Variants in SEC63 observed in about 807,000 individuals in gnomAD.
SEC63 encodes SEC63 protein translocation regulator.
In SEC63, 56 loss-of-function variants were observed where a neutral mutation model predicts 116.2. The observed-to-expected ratio is 0.48, with a 90% confidence interval of 0.39 to 0.60. The LOEUF is 0.60. SEC63 is among the 20% of genes least tolerant of loss of function. The pLI is 0.00. For synonymous variants in SEC63, 273 were observed against 294.6 expected (o/e 0.93, Z 0.75); for missense variants, 668 against 900.0 (o/e 0.74, Z 3.30).
chr6:107,916,673 T>C (rs1706776352), intron 4 of SEC63, among the ~76,000 whole-genome samples: 1 of 152,262 alleles, frequency 6.6e-6, no homozygotes, highest in African/African-American at 2.4e-5. Context: ...CACATTTTGG[T>C]AAGTCTCACA....
intron 3 of SEC63, among the ~76,000 whole-genome samples, chr6:107,922,483 C>A (rs1039296778): frequency 2.0e-5 from 3 of 152,146 alleles, no homozygotes; most frequent in African/African-American, 7.2e-5. Flanking sequence ...TCCAGCCTAG[C>A]TGACAGAGTG....
intron 1 of SEC63, among the ~76,000 whole-genome samples, chr6:107,955,601 G>C (rs1238999035): frequency 6.6e-6 from 1 of 152,166 alleles, no homozygotes; most frequent in African/African-American, 2.4e-5. Flanking sequence ...AGTATGACTT[G>C]TTGGCAGGGC....
At chr6:107,947,819 C>T (rs1434830663) in intron 1 of SEC63, among the ~76,000 whole-genome samples, 3 of 152,078 alleles carry the variant, frequency 2.0e-5, no homozygotes, top group Non-Finnish European at 4.4e-5. Context: ...ATGGACACCC[C>T]CTCCATCTAG....
chr6:107,889,173 T>G (rs987552178), intron 16 of SEC63, among the ~76,000 whole-genome samples: 2 of 152,210 alleles, frequency 1.3e-5, no homozygotes, highest in African/African-American at 4.8e-5. Context: ...TGGTACCAGC[T>G]CCTCTTTGTA....
chr6:107,867,789 T>C lies in SEC63; in HGVS notation c.*3915A>G, dbSNP rs1786029956. Reference sequence around the variant, plus strand: ...CCAATAAATGTTTATTTATAAATAATAGAAGTGTACAATTGTACAATATAT... The same window carrying C: ...CCAATAAATGTTTATTTATAAATAACAGAAGTGTACAATTGTACAATATAT... On this transcript the variant is annotated 3_prime_UTR_variant, in exon 21 of 21. Transcript: ENST00000369002. The C allele has an allele frequency of 2.0e-5, 3 of 151,544 alleles. No individual in the cohort carries two copies. Among genetic ancestry groups the C allele is most frequent in the Admixed American group, 2.0e-4 (3 of 15,214 alleles). The allele number at this position is 151,544 out of a possible 1,614,324, so 9.4% of individuals were successfully genotyped here.
At chr6:107,903,569 G>A (rs1583743147) in intron 11 of SEC63, among the ~76,000 whole-genome samples, 2 of 152,186 alleles carry the variant, frequency 1.3e-5, no homozygotes, top group South Asian at 4.1e-4. Flanking sequence ...GCTCCGTGCT[G>A]TGGTATGCAC....
intron 1 of SEC63, among the ~76,000 whole-genome samples, chr6:107,939,514 G>A (rs1181856381): frequency 6.6e-6 from 1 of 152,144 alleles, no homozygotes; most frequent in Admixed American, 6.5e-5. Flanking sequence ...CACTTTGGGA[G>A]GCCGAGGCAG....
intron 8 of SEC63, among the ~76,000 whole-genome samples, chr6:107,907,556 T>C (rs1361395296): frequency 6.6e-6 from 1 of 152,128 alleles, no homozygotes; most frequent in Non-Finnish European, 1.5e-5. Flanking sequence ...TACTCTAGCC[T>C]GGGAGATGAG....
chr6:107,929,074 T>C (rs548525086), intron 2 of SEC63, among the ~76,000 whole-genome samples: 51 of 152,354 alleles, frequency 3.3e-4, no homozygotes, highest in African/African-American at 1.2e-3. Context: ...CACCATGAAA[T>C]GCTAACTTGT....
chr6:107,921,636 G>C (rs1176201194), intron 4 of SEC63, among the ~76,000 whole-genome samples, 161 bp downstream of exon 4: 30 of 151,832 alleles, frequency 2.0e-4, no homozygotes. Flanking sequence ...ATTTTTTGTA[G>C]AGATGGGGTC....
chr6:107,907,064 T>C (rs1429462165), intron 8 of SEC63, among the ~76,000 whole-genome samples: 1 of 152,136 alleles, frequency 6.6e-6, no homozygotes, highest in Non-Finnish European at 1.5e-5. Flanking sequence ...CCACAGAAAC[T>C]TTCTATAGAA....
intron 18 of SEC63, among the ~76,000 whole-genome samples, chr6:107,879,082 GGTA>G (rs1007030783): frequency 6.6e-6 from 1 of 152,174 alleles, no homozygotes; most frequent in Admixed American, 6.5e-5. Context: ...TGGGTAGTTT[GGTA>G]GTTAGGTTAC....
chr6:107,933,492 T>C (rs1160568937), intron 1 of SEC63, among the ~76,000 whole-genome samples: 4 of 152,134 alleles, frequency 2.6e-5, no homozygotes, highest in African/African-American at 9.7e-5. Flanking sequence ...GAACACAGAA[T>C]CAGTTTTGTG....
chr6:107,953,531 G>GC (rs1770624378), intron 1 of SEC63, among the ~76,000 whole-genome samples: 1 of 143,974 alleles, frequency 6.9e-6, no homozygotes, highest in African/African-American at 2.6e-5. Flanking sequence ...TGGGGGGTCA[G>GC]CCCCCCGCCC....
At chr6:107,884,959 C>G (rs990568742) in intron 16 of SEC63, among the ~76,000 whole-genome samples, 12 of 151,074 alleles carry the variant, frequency 7.9e-5, no homozygotes, top group African/African-American at 2.9e-4. Flanking sequence ...ATGAAATTCA[C>G]TATCTGCTAG....
chr6:107,957,698 T>C (rs1489328195), intron 1 of SEC63, 188 bp downstream of exon 1: 4 of 437,258 alleles, frequency 9.1e-6, no homozygotes, highest in African/African-American at 2.1e-5. Context: ...TGAAGGGAGG[T>C]GGAGAAGCGC....
At position 107,952,333 on chromosome 6, in the gene SEC63, G is replaced by A. The variant is rs567454063; in HGVS notation, c.124+5553C>T. ...CGCAGACTTTACAAGCTGTGAAATG[G>A]TGCTATGCTTTCTGGTGTATTCAAG... On this transcript the variant is annotated intron_variant, in intron 1 of 20. Coordinates refer to ENST00000369002, the MANE Select transcript of SEC63 (RefSeq NM_007214.5). Among the ~76,000 whole-genome samples, 6 of 152,230 alleles carry A rather than the reference G, an allele frequency of 3.9e-5. No individual in the cohort carries two copies. In the South Asian group the frequency reaches 1.0e-3, roughly 26 times the overall value.
At chr6:107,956,198 CT>C (rs929834811) in intron 1 of SEC63, 10 of 188,746 alleles carry the variant, frequency 5.3e-5, no homozygotes, top group African/African-American at 7.2e-5. Context: ...TCTCAAAACA[CT>C]TTTTTTTATA....
chr6:107,957,924 G>A lies in SEC63; in HGVS notation c.86C>T (p.Pro29Leu). 1 of 1,613,276 alleles carries A rather than the reference G, an allele frequency of 6.2e-7. No homozygotes were observed. Among genetic ancestry groups the A allele is most frequent in the East Asian group, 2.2e-5 (1 of 44,818 alleles). ...TCGGGGCCAGAGGTAGTATGTCGCC[G>A]GGATCACGATGAGCCCCACGAAGGA... is the stretch of plus-strand genomic sequence containing the variant. Reference protein sequence around the residue: ...LTSFVGLIVIPATYYLWPRDQ... With the variant: ...LTSFVGLIVILATYYLWPRDQ... The change falls in exon 1 of 21, where the codon CCG (proline) becomes CTG (leucine). Residue 29 changes from proline to leucine, a missense_variant. Physicochemically the swap from Pro to Leu is moderately conservative, Grantham distance 98. Coordinates refer to ENST00000369002, the MANE Select transcript of SEC63 (RefSeq NM_007214.5).
Sources: gnomAD v4.1 joint callset for allele counts (sites outside exome capture counted in the v4.1 genomes callset) on GRCh38, gnomAD v4.1.1 for gene constraint, MANE v1.5 for transcripts, NCBI Gene and HGNC (gene_info 2026-07-23, HGNC 2026-07-21) for gene names.